Variants in PPM1L observed in about 807,000 individuals in gnomAD.
PPM1L encodes the protein protein phosphatase 1L.
A neutral mutation model predicts 31.4 loss-of-function variants in PPM1L; 13 were observed. That is an observed-to-expected ratio of 0.41 (90% CI 0.27 to 0.66). The LOEUF is 0.66. PPM1L is among the 30% of genes least tolerant of loss of function. The pLI is 0.29. For missense variants in PPM1L, 326 were observed against 453.7 expected, an observed-to-expected ratio of 0.72 and a Z score of 2.56; for synonymous variants, 184 against 175.4, an observed-to-expected ratio of 1.05 and a Z score of -0.39.
chr3:160,929,418 TCTTC>T (rs1440389984), intron 1 of PPM1L, among the ~76,000 whole-genome samples: 2 of 152,192 alleles, frequency 1.3e-5, no homozygotes, highest in Non-Finnish European at 2.9e-5. Context: ...AGAAACTCTG[TCTTC>T]CTTAAGTTTC....
At chr3:160,819,593 A>G (rs1036542686) in intron 1 of PPM1L, among the ~76,000 whole-genome samples, 100 of 152,024 alleles carry the variant, frequency 6.6e-4, no homozygotes, top group Non-Finnish European at 4.4e-4. Context: ...AAGTGGTGTT[A>G]TAGGGTATCC....
chr3:160,954,454 C>T (rs537131124), intron 1 of PPM1L, among the ~76,000 whole-genome samples: 3 of 152,172 alleles, frequency 2.0e-5, no homozygotes, highest in East Asian at 1.9e-4. Flanking sequence ...CTCCACCTCC[C>T]GGGGCTCAAG....
chr3:161,058,505 G>C (rs539322782), intron 2 of PPM1L, among the ~76,000 whole-genome samples: 1 of 151,828 alleles, frequency 6.6e-6, no homozygotes, highest in Non-Finnish European at 1.5e-5. Context: ...CATATGCATT[G>C]AGCAATGTAA....
Position 160,807,044 on chromosome 3 carries a change from C to T in PPM1L, c.399+50337C>T, listed in dbSNP as rs147873969. ...ACATCAGAATCTCTGAAGATGGGGC[C>T]GAGGCATCAAGTTTTTAAAACTCCT... On this transcript the variant is annotated intron_variant, in intron 1 of 3. Coordinates refer to ENST00000498165, the MANE Select transcript of PPM1L (RefSeq NM_139245.4). Among the ~76,000 whole-genome samples the T allele has an allele frequency of 4.2e-3, 644 of 152,210 alleles. 6 individuals carry two copies. The highest frequency in any genetic ancestry group is 0.015 in the African/African-American group (612 of 41,512).
At chr3:160,926,674 T>G (rs1714604823) in intron 1 of PPM1L, among the ~76,000 whole-genome samples, 1 of 152,208 alleles carries the variant, frequency 6.6e-6, no homozygotes, top group South Asian at 2.1e-4. Flanking sequence ...GATGTTTGTT[T>G]CAATGTGAGA....
chr3:160,776,114 T>A (rs1487296460), intron 1 of PPM1L, among the ~76,000 whole-genome samples: 1 of 152,254 alleles, frequency 6.6e-6, no homozygotes, highest in Non-Finnish European at 1.5e-5. Context: ...TCTTCTACAT[T>A]AACTATTAAG....
At chr3:160,773,442 G>A (rs1212005446) in intron 1 of PPM1L, among the ~76,000 whole-genome samples, 1 of 152,178 alleles carries the variant, frequency 6.6e-6, no homozygotes, top group East Asian at 1.9e-4. Flanking sequence ...TGCGAGGAAA[G>A]AGGCTGAGAA....
intron 1 of PPM1L, among the ~76,000 whole-genome samples, chr3:160,878,940 G>A (rs1229352512): frequency 6.6e-6 from 1 of 152,154 alleles, no homozygotes; most frequent in East Asian, 1.9e-4. Context: ...TCCTCCCTAG[G>A]AACCATGACT....
chr3:161,033,359 C>T (rs535605878), intron 2 of PPM1L, among the ~76,000 whole-genome samples: 1 of 152,134 alleles, frequency 6.6e-6, no homozygotes, highest in Non-Finnish European at 1.5e-5. Context: ...TCATATGGAA[C>T]CAAAAAAGAG....
At chr3:161,021,675 T>G (rs1399996136) in intron 2 of PPM1L, among the ~76,000 whole-genome samples, 1 of 152,102 alleles carries the variant, frequency 6.6e-6, no homozygotes, top group East Asian at 1.9e-4. Context: ...TTAATTCTGT[T>G]AGTTTTTGCC....
rs1485916641 is a variant in PPM1L at position 160,980,732 on chromosome 3, AAAAG to A, written c.574+18828_574+18831del. On this transcript the variant is annotated intron_variant, in intron 2 of 3. Transcript: ENST00000498165. ...AAAAAAAAAGAGAGAGAGAGAGAGA[AAAAG>A]AAAGAGAAAGAAAGAAAGAGAAGGA... 7.6e-5 allele frequency among the ~76,000 whole-genome samples: 10 copies of A among 130,804 alleles called. No individual in the cohort carries two copies. The South Asian group carries it at 1.2e-3, about 16-fold the overall frequency. The allele number at this position is 130,804 out of a possible 152,430, so 85.8% of individuals were successfully genotyped here. A position where few individuals can be genotyped will look rare whatever the true frequency, so the allele number is the denominator to read the frequency against.
chr3:160,919,667 A>T (rs1015977814), intron 1 of PPM1L, among the ~76,000 whole-genome samples: 16 of 152,218 alleles, frequency 1.1e-4, no homozygotes, highest in African/African-American at 3.6e-4. Context: ...GTTTTGACAC[A>T]AAAGTTATAA....
chr3:160,814,325 A>G lies in PPM1L; in HGVS notation c.399+57618A>G, dbSNP rs114883192. ...GAACTAGCTTCAGCATAAGTGAAAT[A>G]GGTGGATGATTCAAAGTGACGGACT... On this transcript the variant is annotated intron_variant, in intron 1 of 3. Coordinates refer to ENST00000498165, the MANE Select transcript of PPM1L (RefSeq NM_139245.4). Among the ~76,000 whole-genome samples the G allele has an allele frequency of 7.1e-3, 1,087 of 152,272 alleles. 21 individuals carry two copies. Among genetic ancestry groups the G allele is most frequent in the African/African-American group, 0.025 (1,043 of 41,556 alleles).
chr3:160,865,168 G>A (rs1712045249), intron 1 of PPM1L, among the ~76,000 whole-genome samples: 1 of 152,128 alleles, frequency 6.6e-6, no homozygotes, highest in Admixed American at 6.5e-5. Context: ...AGGCTAAATG[G>A]CTTCAGTATA....
At chr3:160,908,363 A>T (rs187710171) in intron 1 of PPM1L, among the ~76,000 whole-genome samples, 1,577 of 121,944 alleles carry the variant, frequency 0.013, 26 homozygotes, top group African/African-American at 0.038. Context: ...TACATTTGGA[A>T]CTATAAAAAT....
rs1394636324 is a variant in PPM1L at position 161,075,688 on chromosome 3, G to T, written c.*6531G>T. ...CAAATCAAGGGAGAGTAATATAAAAGGAAATATTTTAAATTAAGAAAAGGA... is the reference window on the plus strand; with the variant it reads ...CAAATCAAGGGAGAGTAATATAAAATGAAATATTTTAAATTAAGAAAAGGA... On this transcript the variant is annotated 3_prime_UTR_variant, in exon 4 of 4. Coordinates refer to ENST00000498165, the MANE Select transcript of PPM1L (RefSeq NM_139245.4). 2 of 152,048 alleles carry T rather than the reference G, an allele frequency of 1.3e-5. No homozygotes were observed. The highest frequency in any genetic ancestry group is 2.9e-5 in the Non-Finnish European group (2 of 68,018). 9.4% of individuals were successfully genotyped at this position (152,048 alleles called of 1,614,324 possible). A position where few individuals can be genotyped will look rare whatever the true frequency, so the allele number is the denominator to read the frequency against.
chr3:160,922,863 C>A (rs1438475157), intron 1 of PPM1L, among the ~76,000 whole-genome samples: 1 of 152,192 alleles, frequency 6.6e-6, no homozygotes, highest in Non-Finnish European at 1.5e-5. Context: ...GACATGGGTT[C>A]TCTTCTCATA....
At chr3:161,043,160 G>A (rs1453686492) in intron 2 of PPM1L, among the ~76,000 whole-genome samples, 1 of 151,892 alleles carries the variant, frequency 6.6e-6, no homozygotes, top group Non-Finnish European at 1.5e-5. Context: ...CAAAAGGGCA[G>A]TGGGGCCATG....
intron 1 of PPM1L, among the ~76,000 whole-genome samples, chr3:160,961,252 G>C (rs1455613784): frequency 6.6e-6 from 1 of 152,058 alleles, no homozygotes; most frequent in East Asian, 1.9e-4. Flanking sequence ...CCTAGCAGAG[G>C]ACTCTCCTTT....
Sources: gnomAD v4.1 joint callset for allele counts (sites outside exome capture counted in the v4.1 genomes callset) on GRCh38, gnomAD v4.1.1 for gene constraint, MANE v1.5 for transcripts, NCBI Gene and HGNC (gene_info 2026-07-23, HGNC 2026-07-21) for gene names.